Variants in PCDHA9 observed in about 807,000 individuals in gnomAD.
PCDHA9 encodes the protein protocadherin alpha 9.
In PCDHA9, 62 loss-of-function variants were observed where a neutral mutation model predicts 62.0. That is an observed-to-expected ratio of 1.00 (90% CI 0.81 to 1.23). The LOEUF is 1.23. Among genes scored for constraint, PCDHA9 ranks in the 50% most tolerant of loss-of-function variants. The probability of loss-of-function intolerance (pLI) is 0.00; values close to 1 mark genes in which losing one functional copy is unlikely to be tolerated. For synonymous variants in PCDHA9, 557 were observed against 567.6 expected, an observed-to-expected ratio of 0.98 and a Z score of 0.27; for missense variants, 1,205 against 1,249.8, an observed-to-expected ratio of 0.96 and a Z score of 0.54.
intron 1 of PCDHA9, among the ~76,000 whole-genome samples, chr5:140,902,661 C>T (rs1554190552): frequency 6.6e-6 from 1 of 152,036 alleles, no homozygotes; most frequent in Non-Finnish European, 1.5e-5. Flanking sequence ...CACCTGTCAC[C>T]CAAGCAGTGT....
At chr5:140,993,464 A>T (rs1309811031) in intron 3 of PCDHA9, among the ~76,000 whole-genome samples, 11 of 28,960 alleles carry the variant, frequency 3.8e-4, no homozygotes, top group South Asian at 2.7e-3. Flanking sequence ...TTTCTTTCTC[A>T]CACACACACA....
Position 140,850,794 on chromosome 5 carries a change from A to G in PCDHA9, c.2299A>G (p.Thr767Ala). 2 of 1,598,296 alleles carry G rather than the reference A, an allele frequency of 1.3e-6. No homozygotes were observed. Among genetic ancestry groups the G allele is most frequent in the Non-Finnish European group, 1.7e-6 (2 of 1,167,766 alleles). ...RVCSGEGKQK[T>A]DLMAFSPGLS... is the part of the protein sequence containing the mutation. Reference sequence around the variant, plus strand: ...GTGCTCTGGCGAGGGTAAGCAGAAGACCGACCTCATGGCCTTCAGCCCGGG... The same window carrying G: ...GTGCTCTGGCGAGGGTAAGCAGAAGGCCGACCTCATGGCCTTCAGCCCGGG... The change falls in exon 1 of 4, where the codon ACC becomes GCC. Residue 767 changes from threonine to alanine, a missense_variant. Thr to Ala is a moderately conservative substitution (Grantham distance 58). Around this residue, in one of 3 missense-constraint regions of PCDHA9, gnomAD observed 887 missense variants for 809.5 expected, o/e 1.10. Transcript: ENST00000532602.
rs199571672 is a variant in PCDHA9 at position 140,994,794 on chromosome 5, T to C, written c.2542+12231T>C. On this transcript the variant is annotated intron_variant, in intron 3 of 3. Transcript: ENST00000532602. The stretch of plus-strand genomic sequence containing the variant: ...CCAGGCAAAGGAAACAATGCGTGCA[T>C]GCAAAAACAAAATACAAAAAACTGA... Among the ~76,000 whole-genome samples the C allele has an allele frequency of 7.2e-5, 11 of 152,270 alleles. No individual in the cohort carries two copies. The East Asian group carries it at 2.1e-3, about 29-fold the overall frequency.
At chr5:140,873,161 C>G (rs946054760) in intron 1 of PCDHA9, among the ~76,000 whole-genome samples, 2 of 152,012 alleles carry the variant, frequency 1.3e-5, no homozygotes, top group South Asian at 2.1e-4. Context: ...GACTTTAGAT[C>G]GAGAGCTTTT....
At chr5:141,007,395 CAAAAAAAA>C (rs35800918) in intron 3 of PCDHA9, among the ~76,000 whole-genome samples, 98 of 94,844 alleles carry the variant, frequency 1.0e-3, no homozygotes, top group African/African-American at 2.9e-3. Context: ...TACTAAAATA[CAAAAAAAA>C]AAAAAAAAAA....
intron 1 of PCDHA9, among the ~76,000 whole-genome samples, chr5:140,975,429 C>T (rs1006180121): frequency 2.6e-5 from 4 of 152,208 alleles, no homozygotes; most frequent in African/African-American, 9.6e-5. Flanking sequence ...AGGGTGTGCA[C>T]ACCAGGATAT....
chr5:140,952,417 C>T (rs2153696080), intron 1 of PCDHA9, among the ~76,000 whole-genome samples: 1 of 152,190 alleles, frequency 6.6e-6, no homozygotes, highest in Non-Finnish European at 1.5e-5. Flanking sequence ...TAATGTTCCG[C>T]AGATTCCTAC....
intron 1 of PCDHA9, chr5:140,862,416 C>A: frequency 2.8e-6 from 1 of 351,276 alleles, no homozygotes; most frequent in South Asian, 2.2e-5. Flanking sequence ...TCAAAAGGCG[C>A]TGCCCAGAAA....
chr5:140,964,139 A>G (rs1396740282), intron 1 of PCDHA9, among the ~76,000 whole-genome samples: 1 of 152,242 alleles, frequency 6.6e-6, no homozygotes, highest in Non-Finnish European at 1.5e-5. Flanking sequence ...TAAGGTTGGC[A>G]GGAGCCTCAG....
chr5:140,905,163 G>A (rs782288723), intron 1 of PCDHA9, among the ~76,000 whole-genome samples: 30 of 152,274 alleles, frequency 2.0e-4, no homozygotes, highest in African/African-American at 7.0e-4. Flanking sequence ...AATTTTCATG[G>A]TTTCAGGTTT....
At position 140,853,114 on chromosome 5, in the gene PCDHA9, C is replaced by T. The variant is rs2150528456; in HGVS notation, c.2394+2225C>T. 11 of 456,802 alleles carry T rather than the reference C, an allele frequency of 2.4e-5. 1 individual carries two copies. The highest frequency in any genetic ancestry group is 1.1e-3 in the Middle Eastern group (1 of 920). The allele number at this position is 456,802 out of a possible 1,614,324, so 28.3% of individuals were successfully genotyped here. On this transcript the variant is annotated intron_variant, in intron 1 of 3. Coordinates refer to ENST00000532602, the MANE Select transcript of PCDHA9 (RefSeq NM_031857.2). ...CAGGATGGTCTCGATCTCCTGACCT[C>T]ATGATCCTCCCGCCTCAGCCTCCCA...
intron 1 of PCDHA9, chr5:140,869,449 G>C (rs1562628506): frequency 9.3e-6 from 15 of 1,614,196 alleles, no homozygotes; most frequent in Non-Finnish European, 1.3e-5. Context: ...GCCGCTGCAG[G>C]TTTTCCATGT....
intron 1 of PCDHA9, chr5:140,928,916 G>A (rs1287378711): frequency 5.0e-6 from 8 of 1,613,988 alleles, no homozygotes; most frequent in East Asian, 2.2e-5. Flanking sequence ...GAACCAGGAG[G>A]GCAGCTTTCT....
At chr5:140,884,432 C>T (rs782413139) in intron 1 of PCDHA9, 2 of 1,613,880 alleles carry the variant, frequency 1.2e-6, no homozygotes, top group East Asian at 4.5e-5. Flanking sequence ...TACTGCGCTG[C>T]GGTGCTCGGC....
chr5:140,884,662 G>C lies in PCDHA9; in HGVS notation c.2394+33773G>C, dbSNP rs372022274. On this transcript the variant is annotated intron_variant, in intron 1 of 3. Transcript: ENST00000532602. ...AGGAGGACTCAGAATGCTTGAAAGA[G>C]GTAAGCTTATATTTTAAAAAATTGT... is the stretch of plus-strand genomic sequence containing the variant. 11 of 1,589,820 alleles carry C rather than the reference G, an allele frequency of 6.9e-6. No homozygotes were observed. In the African/African-American group the frequency reaches 9.4e-5, roughly 14 times the overall value.
chr5:140,928,771 A>G lies in PCDHA9; in HGVS notation c.2395-50178A>G, dbSNP rs1554206294. 2 of 1,613,880 alleles carry G rather than the reference A, an allele frequency of 1.2e-6. No individual in the cohort carries two copies. Among genetic ancestry groups the G allele is most frequent in the East Asian group, 2.2e-5 (1 of 44,892 alleles). ...CCGTACTGCTCGCTTAGTTCTTCCC[A>G]CTGATGCAGTTAAGCAGAGGGTGGT... On this transcript the variant is annotated intron_variant, in intron 1 of 3. Coordinates refer to ENST00000532602, the MANE Select transcript of PCDHA9 (RefSeq NM_031857.2).
intron 1 of PCDHA9, among the ~76,000 whole-genome samples, chr5:140,951,315 C>A (rs782114634): frequency 6.6e-6 from 1 of 151,988 alleles, no homozygotes; most frequent in Non-Finnish European, 1.5e-5. Context: ...ATGTGTTATT[C>A]TTGAGATTCA....
At chr5:140,939,593 T>C (rs1554212802) in intron 1 of PCDHA9, among the ~76,000 whole-genome samples, 1 of 152,198 alleles carries the variant, frequency 6.6e-6, no homozygotes, top group African/African-American at 2.4e-5. Flanking sequence ...TAACATACCT[T>C]GCTCAAAAAC....
rs74450843 is a variant in PCDHA9 at position 140,951,654 on chromosome 5, C to A, written c.2395-27295C>A. ...GCCCCATGATCTAATCACCTCCCAC[C>A]AGGGCCTGCCTACAAAATTGGGGAT... On this transcript the variant is annotated intron_variant, in intron 1 of 3. Coordinates refer to ENST00000532602, the MANE Select transcript of PCDHA9 (RefSeq NM_031857.2). 1.1e-4 allele frequency among the ~76,000 whole-genome samples: 16 copies of A among 152,248 alleles called. No homozygotes were observed. In the East Asian group the frequency reaches 3.1e-3, roughly 29 times the overall value.
Sources: gnomAD v4.1 joint callset for allele counts (sites outside exome capture counted in the v4.1 genomes callset) on GRCh38, gnomAD v4.1.1 for gene constraint, gnomAD v4.1.1 regional missense constraint, MANE v1.5 for transcripts, NCBI Gene and HGNC (gene_info 2026-07-23, HGNC 2026-07-21) for gene names.